The following KRTCAP3 variants were observed in gnomAD, a reference collection of about 807,000 sequenced individuals.
KRTCAP3 encodes keratinocyte associated protein 3.
In KRTCAP3, 18 loss-of-function variants were observed where a neutral mutation model predicts 20.5. The observed-to-expected ratio is 0.88, with a 90% CI of 0.61 to 1.31. KRTCAP3 has a LOEUF of 1.31. Among genes scored for constraint, KRTCAP3 ranks in the 50% most tolerant of loss-of-function variants. The pLI is 0.00. For missense variants in KRTCAP3, 347 were observed against 310.4 expected (o/e 1.12, Z -0.89); for synonymous variants, 167 against 133.7 (o/e 1.25, Z -1.72).
intron 5 of KRTCAP3, 68 bp downstream of exon 5, chr2:27,443,600 C>G (rs903254306): frequency 4.5e-6 from 7 of 1,566,890 alleles, no homozygotes; most frequent in Non-Finnish European, 6.1e-6. Flanking sequence ...GCTGACCGGC[C>G]GGGTGCGGAG....
downstream of KRTCAP3, chr2:27,445,593 G>A (rs1438679180): frequency 7.8e-7 from 1 of 1,289,624 alleles, no homozygotes. This position sits in a 1 kb window ranked among gnomAD's most constrained non-coding sequence, Gnocchi z 4.4. Flanking sequence ...GGGGGATGCA[G>A]TCACAGCCTT....
rs778568876 is a variant in KRTCAP3 at position 27,442,561 on chromosome 2, C to T, written c.29-18C>T. 3 of 1,524,440 alleles carry T rather than the reference C, an allele frequency of 2.0e-6. No homozygotes were observed. The highest frequency in any genetic ancestry group is 4.4e-5 in the Admixed American group (2 of 45,140). 94.4% of individuals were successfully genotyped at this position (1,524,440 alleles called of 1,614,324 possible). A position where few individuals can be genotyped will look rare whatever the true frequency, so the allele number is the denominator to read the frequency against. On this transcript the variant is annotated intron_variant, in intron 1 of 6. Coordinates refer to ENST00000288873, the MANE Select transcript of KRTCAP3 (RefSeq NM_173853.4). ...CCTCCCCGCCCGACTCAACCCTGCC[C>T]TCCCCCGTGCTTTGCAGACGCCGCC...
downstream of KRTCAP3, chr2:27,445,222 C>G: frequency 6.3e-7 from 1 of 1,579,718 alleles, no homozygotes. This position sits in a 1 kb window ranked among gnomAD's most constrained non-coding sequence, Gnocchi z 4.4. Flanking sequence ...TTACTGAATC[C>G]TAGTAAAATT....
chr2:27,443,656 A>G, intron 5 of KRTCAP3, 124 bp downstream of exon 5: 1 of 1,017,682 alleles, frequency 9.8e-7, no homozygotes, highest in Non-Finnish European at 1.5e-6. Context: ...AGGCAGGCGG[A>G]TCACTTGAGG....
At chr2:27,445,425 C>A, downstream of KRTCAP3, 1 of 1,611,754 alleles carries the variant, frequency 6.2e-7, no homozygotes, top group Middle Eastern at 1.7e-4. This position sits in a 1 kb window ranked among gnomAD's most constrained non-coding sequence, Gnocchi z 4.4. Flanking sequence ...AGCACCCAGT[C>A]TCGAACCTCT....
Position 27,444,006 on chromosome 2 carries a change from C to T in KRTCAP3, c.673C>T (p.Leu225=), listed in dbSNP as rs973701706. ...PKCKRQENEQ[L]LDQNQEIRAS... ...ATGTAAAAGGCAGGAAAATGAGCAG[C>T]TACTGGATCAAAATCAAGAAATCCG... The change falls in exon 6 of 7, where the codon CTA becomes TTA. Residue 225 remains leucine, a synonymous_variant. Transcript: ENST00000288873. 2 of 1,613,750 alleles carry T rather than the reference C, an allele frequency of 1.2e-6. No individual in the cohort carries two copies. The highest frequency in any genetic ancestry group is 2.2e-5 in the East Asian group (1 of 44,888).
downstream of KRTCAP3, among the ~76,000 whole-genome samples, chr2:27,444,835 A>G (rs1558347480): frequency 6.6e-6 from 1 of 152,120 alleles, no homozygotes; most frequent in East Asian, 1.9e-4. Flanking sequence ...TTTAGTAGAG[A>G]CGAGGTTTTA....
chr2:27,443,181 C>A lies in KRTCAP3; in HGVS notation c.381C>A (p.Arg127=). The change falls in exon 4 of 7, where the codon CGC becomes CGA. Residue 127 remains arginine, a synonymous_variant. Coordinates refer to ENST00000288873, the MANE Select transcript of KRTCAP3 (RefSeq NM_173853.4). The stretch of plus-strand genomic sequence containing the variant: ...TCACTGTGGCCAACGGTGGCCGCCG[C>A]CTTATTGCTGACTGCCACCCAGGAC... The part of the protein sequence containing the change: ...VSLTVANGGR[R]LIADCHPGLL... 1 of 1,614,018 alleles carries A rather than the reference C, an allele frequency of 6.2e-7. No homozygotes were observed. The highest frequency in any genetic ancestry group is 1.1e-5 in the South Asian group (1 of 91,072).
chr2:27,445,632 G>A, downstream of KRTCAP3: 15 of 1,399,548 alleles, frequency 1.1e-5, no homozygotes, highest in Non-Finnish European at 1.5e-5. The surrounding 1 kb of genome is among the most constrained non-coding windows in gnomAD (Gnocchi z 4.4). Flanking sequence ...TACTTTCACT[G>A]AAAAAACAGT....
In KRTCAP3 at chr2:27,443,405, C is replaced by A. The variant is rs1268389039; in HGVS notation, c.488C>A (p.Ala163Asp). The A allele has an allele frequency of 6.2e-7, 1 of 1,614,166 alleles. No homozygotes were observed. Reference sequence around the variant, plus strand: ...ATCCTTCTTGCTTTTCAGGATACAGCCTTGGCTCTCTGGATCCCTTCTTTG... The same window carrying A: ...ATCCTTCTTGCTTTTCAGGATACAGACTTGGCTCTCTGGATCCCTTCTTTG... ...PFDPTRIYDT[A>D]LALWIPSLLM... Residue 163 changes from alanine to aspartate, a missense_variant, in exon 5 of 7, where the codon GCC becomes GAC. Coordinates refer to ENST00000288873, the MANE Select transcript of KRTCAP3 (RefSeq NM_173853.4).
At chr2:27,442,949 G>A (rs1664708550) in intron 3 of KRTCAP3, 48 bp downstream of exon 3, 1 of 1,600,582 alleles carries the variant, frequency 6.2e-7, no homozygotes, top group Admixed American at 1.7e-5. Flanking sequence ...TTGAGTCAGG[G>A]AAATGGGGGC....
chr2:27,446,117 A>G (rs1454774483), downstream of KRTCAP3: 4 of 1,388,652 alleles, frequency 2.9e-6, no homozygotes, highest in Admixed American at 1.7e-5. Flanking sequence ...CCAGGGAGAA[A>G]AATCCAGGAA....
chr2:27,443,923 G>T (rs767293592), intron 5 of KRTCAP3, 26 bp from the exon 6 acceptor site: 1 of 1,226,946 alleles, frequency 8.2e-7, no homozygotes, highest in African/African-American at 1.5e-5. Context: ...CAGGGCGAGG[G>T]TGTCTAACTC....
chr2:27,443,877 AAAAAC>A (rs1664777806), intron 5 of KRTCAP3, 67 bp from the exon 6 acceptor site: 3 of 944,332 alleles, frequency 3.2e-6, no homozygotes, highest in African/African-American at 1.6e-5. Context: ...CTCCGTCACA[AAAAAC>A]AAAACAAAAA....
downstream of KRTCAP3, chr2:27,446,440 C>A: frequency 2.6e-6 from 3 of 1,159,990 alleles, no homozygotes; most frequent in Admixed American, 2.0e-5. Context: ...AGCCACAGAA[C>A]TAAAAAACAA....
rs1475423019 is a variant in KRTCAP3, at chr2:27,442,455, C to T, written c.28+15C>T. 1 of 1,568,306 alleles carries T rather than the reference C, an allele frequency of 6.4e-7. No homozygotes were observed. Among genetic ancestry groups the T allele is most frequent in the Non-Finnish European group, 8.6e-7 (1 of 1,156,986 alleles). On this transcript the variant is annotated intron_variant, in intron 1 of 6. Transcript: ENST00000288873. Reference sequence around the variant, plus strand: ...CTGCGCTTTCGGTAACTTCCGGGCCCTGGCGTCTCGTCTCCTTACCCTGGG... The same window carrying T: ...CTGCGCTTTCGGTAACTTCCGGGCCTTGGCGTCTCGTCTCCTTACCCTGGG...
chr2:27,442,486 C>T, intron 1 of KRTCAP3, 46 bp downstream of exon 1: 1 of 1,553,618 alleles, frequency 6.4e-7, no homozygotes, highest in African/African-American at 1.4e-5. Context: ...CTGGGGCTAC[C>T]CTTGCCCCGT....
In KRTCAP3 at chr2:27,443,157, C is replaced by A. The variant is rs140428163; in HGVS notation, c.357C>A (p.Leu119=). The change falls in exon 4 of 7, where the codon CTC becomes CTA. Residue 119 remains leucine (L), a synonymous_variant. Transcript: ENST00000288873. Reference sequence around the variant, plus strand: ...TGGGCCTCCTTCTTGCTGTGTCACTCACTGTGGCCAACGGTGGCCGCCGCC... The same window carrying A: ...TGGGCCTCCTTCTTGCTGTGTCACTAACTGTGGCCAACGGTGGCCGCCGCC... The part of the protein sequence containing the change: ...CSLGLLLAVS[L]TVANGGRRLI... 3.1e-4 allele frequency: 498 copies of A among 1,614,154 alleles called. 5 individuals carry two copies. Among genetic ancestry groups the A allele is most frequent in the Admixed American group, 1.7e-5 (1 of 60,030 alleles).
Position 27,443,182 on chromosome 2 carries a change from C to A in KRTCAP3, c.382C>A (p.Leu128Ile), listed in dbSNP as rs771208491. The A allele has an allele frequency of 6.2e-7, 1 of 1,614,094 alleles. No individual in the cohort carries two copies. The highest frequency in any genetic ancestry group is 2.2e-5 in the East Asian group (1 of 44,876). The change falls in exon 4 of 7, where the codon CTT becomes ATT. Residue 128 changes from leucine to isoleucine, a missense_variant. By Grantham distance (5) the Leu-to-Ile change is conservative. Transcript: ENST00000288873. ...CACTGTGGCCAACGGTGGCCGCCGCCTTATTGCTGACTGCCACCCAGGACT... is the reference window on the plus strand; with the variant it reads ...CACTGTGGCCAACGGTGGCCGCCGCATTATTGCTGACTGCCACCCAGGACT... ...SLTVANGGRR[L>I]IADCHPGLLD...
Sources: gnomAD v4.1 joint callset for allele counts (sites outside exome capture counted in the v4.1 genomes callset) on GRCh38, gnomAD v4.1.1 for gene constraint, Gnocchi (gnomAD v3.1) non-coding constraint, MANE v1.5 for transcripts, NCBI Gene and HGNC (gene_info 2026-07-23, HGNC 2026-07-21) for gene names.